LUZP2: variants seen among roughly 807,000 people sequenced by gnomAD.
LUZP2 encodes leucine zipper protein 2.
In LUZP2, 52 loss-of-function variants were observed where a neutral mutation model predicts 51.6. That is an observed-to-expected ratio of 1.01 (90% CI 0.81 to 1.27). LUZP2 has a LOEUF of 1.27. Ranked by LOEUF, LUZP2 falls within the 50% of genes most tolerant of loss-of-function variation. LUZP2 has a pLI of 0.00. For synonymous variants in LUZP2, 154 were observed against 137.3 expected, an observed-to-expected ratio of 1.12 and a Z score of -0.85; for missense variants, 436 against 395.4, an observed-to-expected ratio of 1.10 and a Z score of -0.87.
chr11:24,801,949 A>G (rs527351995), intron 5 of LUZP2, among the ~76,000 whole-genome samples: 2 of 151,930 alleles, frequency 1.3e-5, no homozygotes, highest in Admixed American at 6.6e-5. Flanking sequence ...TAATATATGT[A>G]TGTACAAAGA....
At chr11:24,714,518 T>A (rs903385718) in intron 1 of LUZP2, among the ~76,000 whole-genome samples, 5 of 152,026 alleles carry the variant, frequency 3.3e-5, no homozygotes, top group Non-Finnish European at 4.4e-5. Flanking sequence ...ATTCTGCCCA[T>A]AATTAGAAAT....
intron 1 of LUZP2, among the ~76,000 whole-genome samples, chr11:24,718,019 A>G (rs1239449606): frequency 1.3e-5 from 2 of 152,196 alleles, no homozygotes; most frequent in Non-Finnish European, 2.9e-5. Context: ...TAAGAAAATA[A>G]TTTATTCAAA....
At chr11:25,062,911 T>C (rs1272378650) in intron 10 of LUZP2, among the ~76,000 whole-genome samples, 1 of 151,706 alleles carries the variant, frequency 6.6e-6, no homozygotes, top group Non-Finnish European at 1.5e-5. Flanking sequence ...GTTTGACCAA[T>C]ATCTTGTTTT....
rs569317139 is a variant in LUZP2, at chr11:25,007,194, A to G, written c.765+23901A>G. Among the ~76,000 whole-genome samples the G allele has an allele frequency of 3.3e-3, 501 of 152,302 alleles. 3 individuals carry two copies. Among genetic ancestry groups the G allele is most frequent in the African/African-American group, 0.011 (477 of 41,556 alleles). On this transcript the variant is annotated intron_variant, in intron 9 of 11. Transcript: ENST00000336930. The stretch of plus-strand genomic sequence containing the variant: ...CTTAGCTAGACAGAAAAGTTCTCCA[A>G]GTCCCCACCCGACCCAGAAGCCCAG...
At chr11:24,500,883 A>G (rs974977028) in intron 1 of LUZP2, among the ~76,000 whole-genome samples, 7 of 152,198 alleles carry the variant, frequency 4.6e-5, no homozygotes, top group African/African-American at 1.7e-4. Context: ...ATGATACTAT[A>G]TATTGAAGAT....
intron 7 of LUZP2, among the ~76,000 whole-genome samples, chr11:24,933,091 C>T (rs1382326782): frequency 6.6e-6 from 1 of 152,206 alleles, no homozygotes; most frequent in South Asian, 2.1e-4. Context: ...GGACGTTCAG[C>T]TTCCCCAGTG....
intron 7 of LUZP2, among the ~76,000 whole-genome samples, chr11:24,924,076 G>A (rs1275889447): frequency 3.4e-5 from 5 of 148,852 alleles, no homozygotes; most frequent in Admixed American, 1.3e-4. Context: ...CCCACTCCCC[G>A]GCTTTTTTTT....
At chr11:25,031,015 A>ATATATATTTT (rs1406897346) in intron 9 of LUZP2, among the ~76,000 whole-genome samples, 4 of 11,878 alleles carry the variant, frequency 3.4e-4, no homozygotes, top group African/African-American at 1.2e-3. Flanking sequence ...ATATATATAT[A>ATATATATTTT]TTTTTTTTTT....
At chr11:24,862,038 G>C (rs910877651) in intron 5 of LUZP2, among the ~76,000 whole-genome samples, 2 of 152,026 alleles carry the variant, frequency 1.3e-5, no homozygotes, top group Non-Finnish European at 2.9e-5. Flanking sequence ...CTTTCAGAAG[G>C]CCTGCTCTTT....
intron 1 of LUZP2, among the ~76,000 whole-genome samples, chr11:24,528,459 C>A (rs1184420071): frequency 6.6e-6 from 1 of 151,186 alleles, no homozygotes; most frequent in African/African-American, 2.4e-5. Context: ...ATGGCACATA[C>A]TTTTTAAAAT....
At chr11:24,904,181 G>A (rs991772993) in intron 5 of LUZP2, among the ~76,000 whole-genome samples, 1 of 152,046 alleles carries the variant, frequency 6.6e-6, no homozygotes, top group Non-Finnish European at 1.5e-5. Flanking sequence ...TCTGAGTGTG[G>A]TAATATTTCA....
chr11:24,659,878 G>T (rs112507803), intron 1 of LUZP2, among the ~76,000 whole-genome samples: 12 of 152,070 alleles, frequency 7.9e-5, no homozygotes, highest in African/African-American at 2.9e-4. Flanking sequence ...GAAATATGAT[G>T]AATGTCATTC....
chr11:24,832,910 T>G (rs1026761778), intron 5 of LUZP2, among the ~76,000 whole-genome samples: 1 of 147,044 alleles, frequency 6.8e-6, no homozygotes, highest in African/African-American at 2.6e-5. Context: ...ATAATGAGTA[T>G]GATTTATTAC....
intron 5 of LUZP2, among the ~76,000 whole-genome samples, chr11:24,795,609 G>C (rs1173598425): frequency 1.3e-5 from 2 of 152,094 alleles, no homozygotes; most frequent in East Asian, 3.9e-4. Context: ...AACTAAACCA[G>C]ATGTAACTCC....
intron 5 of LUZP2, among the ~76,000 whole-genome samples, chr11:24,833,760 A>C: frequency 6.6e-6 from 1 of 151,742 alleles, no homozygotes; most frequent in South Asian, 2.1e-4. Context: ...CAAACAGAAA[A>C]ACCTGCAAGC....
Position 24,691,476 on chromosome 11 carries a change from GT to G in LUZP2, c.63-37680del, listed in dbSNP as rs5790429. ...AATACCCATTTTTCCCTCATATTCT[GT>G]TTTTTTTTTTTTCAAAGTAACCCCT... On this transcript the variant is annotated intron_variant, in intron 1 of 11. Coordinates refer to ENST00000336930, the MANE Select transcript of LUZP2 (RefSeq NM_001009909.4). Among the ~76,000 whole-genome samples the G allele has an allele frequency of 4.9e-3, 667 of 136,546 alleles. 5 individuals carry two copies. Among genetic ancestry groups the G allele is most frequent in the African/African-American group, 0.015 (564 of 36,736 alleles). 89.6% of individuals were successfully genotyped at this position (136,546 alleles called of 152,430 possible).
At chr11:24,903,919 C>T (rs1853358183) in intron 5 of LUZP2, among the ~76,000 whole-genome samples, 1 of 152,078 alleles carries the variant, frequency 6.6e-6, no homozygotes, top group Non-Finnish European at 1.5e-5. Flanking sequence ...ACCTCTCAGG[C>T]CTGGAAGAAG....
chr11:24,710,376 A>G (rs1857764743), intron 1 of LUZP2, among the ~76,000 whole-genome samples: 1 of 152,114 alleles, frequency 6.6e-6, no homozygotes, highest in Non-Finnish European at 1.5e-5. Flanking sequence ...TGCAAAATCA[A>G]TATTGCTCCT....
At chr11:24,962,322 A>G (rs1590779796) in intron 7 of LUZP2, among the ~76,000 whole-genome samples, 1 of 152,170 alleles carries the variant, frequency 6.6e-6, no homozygotes, top group African/African-American at 2.4e-5. Context: ...GCCTTGCTAG[A>G]TTGGGGAAGT....
Sources: allele counts gnomAD v4.1 joint callset (sites outside exome capture counted in the v4.1 genomes callset), GRCh38; gene constraint gnomAD v4.1.1; transcripts MANE v1.5; gene names NCBI Gene and HGNC (gene_info 2026-07-23, HGNC 2026-07-21).